WWOX: variants seen among roughly 807,000 people sequenced by gnomAD.
WWOX encodes WW domain-containing oxidoreductase.
A neutral mutation model predicts 46.2 loss-of-function variants in WWOX; 69 were observed. That is an observed-to-expected ratio of 1.49 (90% CI 1.23 to 1.82). WWOX has a LOEUF of 1.82. Ranked by LOEUF, WWOX falls within the 40% of genes most tolerant of loss-of-function variation. The pLI, the probability that WWOX is intolerant of heterozygous loss-of-function variation, is 0.00. For missense variants in WWOX, 919 were observed against 542.6 expected (o/e 1.69, Z -6.89); for synonymous variants, 359 against 202.6 (o/e 1.77, Z -6.56).
At chr16:79,010,836 A>T (rs1008738164) in intron 8 of WWOX, among the ~76,000 whole-genome samples, 6 of 151,800 alleles carry the variant, frequency 4.0e-5, no homozygotes. Context: ...GTTCAGTGAC[A>T]GTCTGGTGGC....
chr16:78,997,657 C>G (rs1168831671), intron 8 of WWOX, among the ~76,000 whole-genome samples: 1 of 152,068 alleles, frequency 6.6e-6, no homozygotes, highest in Non-Finnish European at 1.5e-5. Flanking sequence ...TTCCTCCCTC[C>G]CTGTCTCTCC....
At chr16:78,404,106 A>G (rs1251958518) in intron 6 of WWOX, among the ~76,000 whole-genome samples, 2 of 152,204 alleles carry the variant, frequency 1.3e-5, no homozygotes, top group African/African-American at 4.8e-5. Context: ...ATAAACACAG[A>G]TGGTCCTTAA....
At chr16:79,033,963 G>T (rs1597306593) in intron 8 of WWOX, among the ~76,000 whole-genome samples, 1 of 152,164 alleles carries the variant, frequency 6.6e-6, no homozygotes, top group South Asian at 2.1e-4. Flanking sequence ...GCACTGACTG[G>T]CCCAGCCAAG....
At chr16:78,458,740 A>T (rs2151421071) in intron 8 of WWOX, among the ~76,000 whole-genome samples, 1 of 152,336 alleles carries the variant, frequency 6.6e-6, no homozygotes, top group Admixed American at 6.5e-5. Flanking sequence ...GTGTATACAT[A>T]CATAGAAGTA....
chr16:78,823,036 A>G (rs2051547607), intron 8 of WWOX, among the ~76,000 whole-genome samples: 1 of 152,212 alleles, frequency 6.6e-6, no homozygotes, highest in Admixed American at 6.5e-5. Flanking sequence ...AACTTGGAAA[A>G]CAGGGAAAGG....
chr16:79,201,340 TTTC>T (rs2051346651), intron 8 of WWOX, among the ~76,000 whole-genome samples: 1 of 79,036 alleles, frequency 1.3e-5, no homozygotes, highest in East Asian at 5.5e-4. Context: ...TCCTTTTTCT[TTTC>T]TTTTTTTTTT....
At chr16:78,724,415 G>T (rs898071838) in intron 8 of WWOX, among the ~76,000 whole-genome samples, 3 of 152,110 alleles carry the variant, frequency 2.0e-5, no homozygotes, top group Admixed American at 6.5e-5. Flanking sequence ...TGTTCCAGAA[G>T]AAGTTAAGGT....
chr16:79,177,670 C>G (rs2050827902), intron 8 of WWOX, among the ~76,000 whole-genome samples: 1 of 152,162 alleles, frequency 6.6e-6, no homozygotes, highest in African/African-American at 2.4e-5. Flanking sequence ...TCAGTTCTGG[C>G]TCATGCTTGG....
intron 8 of WWOX, among the ~76,000 whole-genome samples, chr16:78,500,755 G>T (rs113493643): frequency 0.029 from 4,398 of 152,218 alleles, 200 homozygotes; most frequent in African/African-American, 0.1. Flanking sequence ...TAATTCGAAA[G>T]CTTTTTTCTA....
chr16:78,814,108 A>C (rs1380031810), intron 8 of WWOX, among the ~76,000 whole-genome samples: 2 of 152,238 alleles, frequency 1.3e-5, no homozygotes, highest in African/African-American at 4.8e-5. Context: ...AGTGCAGGAC[A>C]GTGTGTCATT....
intron 8 of WWOX, among the ~76,000 whole-genome samples, chr16:79,084,572 G>A (rs761236121): frequency 2.0e-5 from 3 of 152,146 alleles, no homozygotes; most frequent in South Asian, 2.1e-4. Flanking sequence ...ATGCCACCAC[G>A]CCCGGCTACT....
chr16:78,144,486 TAC>T (rs1215643920), intron 4 of WWOX, among the ~76,000 whole-genome samples: 5 of 19,856 alleles, frequency 2.5e-4, no homozygotes, highest in South Asian at 1.9e-3. Context: ...TATATATATA[TAC>T]ACACACACAC....
intron 8 of WWOX, among the ~76,000 whole-genome samples, chr16:78,831,464 C>A (rs900796608): frequency 6.6e-6 from 1 of 152,140 alleles, no homozygotes; most frequent in Non-Finnish European, 1.5e-5. Context: ...TAGGGAGATG[C>A]AGTGAGTTTA....
At chr16:78,102,700 G>C (rs767624046) in intron 1 of WWOX, among the ~76,000 whole-genome samples, 1 of 152,146 alleles carries the variant, frequency 6.6e-6, no homozygotes, top group African/African-American at 2.4e-5. Context: ...CTGCTTCTTC[G>C]TGCTTAGCCT....
chr16:78,153,203 G>C (rs901817291), intron 4 of WWOX, among the ~76,000 whole-genome samples: 4 of 152,162 alleles, frequency 2.6e-5, no homozygotes, highest in Admixed American at 2.6e-4. Flanking sequence ...CAGAGGTATG[G>C]ATTAGCTAGT....
At chr16:78,468,605 A>G (rs1002728505) in intron 8 of WWOX, among the ~76,000 whole-genome samples, 9 of 152,134 alleles carry the variant, frequency 5.9e-5, no homozygotes, top group Admixed American at 1.3e-4. Flanking sequence ...GAAAAAGCAC[A>G]TGACTTGGAA....
intron 8 of WWOX, among the ~76,000 whole-genome samples, chr16:79,210,247 G>A (rs2051678193): frequency 6.6e-6 from 1 of 152,110 alleles, no homozygotes; most frequent in South Asian, 2.1e-4. Flanking sequence ...AAACAACAAT[G>A]ACAACAACAA....
intron 8 of WWOX, among the ~76,000 whole-genome samples, chr16:79,108,409 C>G (rs1280710569): frequency 6.6e-6 from 1 of 152,154 alleles, no homozygotes; most frequent in Non-Finnish European, 1.5e-5. Flanking sequence ...GACCACCCCT[C>G]CAGGGGAGAG....
At chr16:78,572,341 T>C (rs2044737087) in intron 8 of WWOX, among the ~76,000 whole-genome samples, 1 of 152,184 alleles carries the variant, frequency 6.6e-6, no homozygotes, top group Admixed American at 6.5e-5. Context: ...ACACCTGTAA[T>C]GCCAGCACTT....
Sources: gnomAD v4.1 joint callset for allele counts (sites outside exome capture counted in the v4.1 genomes callset) on GRCh38, gnomAD v4.1.1 for gene constraint, MANE v1.5 for transcripts, NCBI Gene and HGNC (gene_info 2026-07-23, HGNC 2026-07-21) for gene names.